Variants in SND1 observed in about 807,000 individuals in gnomAD.
SND1 encodes staphylococcal nuclease domain-containing protein 1.
A neutral mutation model predicts 121.7 loss-of-function variants in SND1; 38 were observed. The observed-to-expected ratio is 0.31, with a 90% CI of 0.24 to 0.41. The LOEUF is 0.41. Ranked by LOEUF, SND1 falls within the 10% of genes least tolerant of loss-of-function variation. The probability of loss-of-function intolerance (pLI) is 1.00; values close to 1 mark genes in which losing one functional copy is unlikely to be tolerated. For synonymous variants in SND1, 401 were observed against 447.4 expected (o/e 0.90, Z 1.31); for missense variants, 868 against 1,184.6 (o/e 0.73, Z 3.92).
At chr7:127,735,085 G>T (rs1455713489) in intron 10 of SND1, among the ~76,000 whole-genome samples, 1 of 152,144 alleles carries the variant, frequency 6.6e-6, no homozygotes, top group African/African-American at 2.4e-5. Context: ...GAGGTGCTGG[G>T]CATGCACTAT....
chr7:128,044,890 T>TA (rs1440479372), intron 16 of SND1, among the ~76,000 whole-genome samples: 2 of 152,168 alleles, frequency 1.3e-5, no homozygotes, highest in South Asian at 2.1e-4. Flanking sequence ...TGAGGCCTGC[T>TA]AATGCCATCT....
At chr7:127,727,985 A>G (rs1398809504) in intron 10 of SND1, among the ~76,000 whole-genome samples, 1 of 152,126 alleles carries the variant, frequency 6.6e-6, no homozygotes, top group African/African-American at 2.4e-5. Flanking sequence ...GAGGTCATGG[A>G]GTAGGGGTAC....
chr7:127,791,182 G>A (rs1271288189), intron 10 of SND1, among the ~76,000 whole-genome samples: 3 of 110,648 alleles, frequency 2.7e-5, no homozygotes, highest in African/African-American at 1.1e-4. Flanking sequence ...GTCTCACTCT[G>A]TCCCCAGGCT....
At chr7:128,066,990 C>T (rs976190496) in intron 16 of SND1, among the ~76,000 whole-genome samples, 1 of 152,172 alleles carries the variant, frequency 6.6e-6, no homozygotes, top group Non-Finnish European at 1.5e-5. Context: ...CCGCGCCCCC[C>T]TGCAAGTTCT....
At position 128,029,316 on chromosome 7, in the gene SND1, C is replaced by T. The variant is rs779369673; in HGVS notation, c.1779+38260C>T. On this transcript the variant is annotated intron_variant, in intron 16 of 23. Transcript: ENST00000354725. The surrounding 1 kb of genome is among the most constrained non-coding windows in gnomAD (Gnocchi z 4.2). The stretch of plus-strand genomic sequence containing the variant: ...GTTGGAGGTGTTAAGCTCAGCCGTG[C>T]TCACATTGAGGTAGGCCGAGGCGTT... The T allele has an allele frequency of 5.6e-6, 9 of 1,614,066 alleles. No individual in the cohort carries two copies.
At chr7:127,859,630 G>A (rs1343703209) in intron 12 of SND1, among the ~76,000 whole-genome samples, 1 of 152,120 alleles carries the variant, frequency 6.6e-6, no homozygotes, top group African/African-American at 2.4e-5. Flanking sequence ...TTCTGTCTGG[G>A]TAGTTTTTCA....
chr7:127,935,042 G>C (rs1366626532), intron 15 of SND1, among the ~76,000 whole-genome samples: 1 of 152,156 alleles, frequency 6.6e-6, no homozygotes, highest in East Asian at 1.9e-4. Flanking sequence ...AAAACATCAA[G>C]TATATAAAAA....
chr7:127,908,045 T>A (rs561003370), intron 14 of SND1, among the ~76,000 whole-genome samples: 1 of 152,246 alleles, frequency 6.6e-6, no homozygotes, highest in Non-Finnish European at 1.5e-5. Flanking sequence ...TTATTACAGA[T>A]GGGTTTTGAT....
rs147970558 is a variant in SND1, at chr7:127,727,690, A to G, written c.1152+6290A>G. On this transcript the variant is annotated intron_variant, in intron 10 of 23. Coordinates refer to ENST00000354725, the MANE Select transcript of SND1 (RefSeq NM_014390.4). ...GGATATAGCATTTCACCAGTCTCCA[A>G]TGGAGAGATTTTGGGACTGCAGCAA... Among the ~76,000 whole-genome samples the G allele has an allele frequency of 1.7e-3, 262 of 152,326 alleles. 2 individuals are homozygous for G. In the East Asian group the frequency reaches 0.034, roughly 20 times the overall value.
Position 127,902,899 on chromosome 7 carries a change from T to A in SND1, c.1455-1848T>A, listed in dbSNP as rs139909819. On this transcript the variant is annotated intron_variant, in intron 13 of 23. Coordinates refer to ENST00000354725, the MANE Select transcript of SND1 (RefSeq NM_014390.4). ...TGGCTGATTTATTTTATTTTATTTT[T>A]TTTTGAGATGGAGTCTCTCTCGCCC... is the stretch of plus-strand genomic sequence containing the variant. Among the ~76,000 whole-genome samples the A allele has an allele frequency of 1.9e-3, 292 of 151,882 alleles. 1 individual carries two copies. Among genetic ancestry groups the A allele is most frequent in the East Asian group, 0.014 (72 of 5,130 alleles).
intron 1 of SND1, among the ~76,000 whole-genome samples, chr7:127,673,114 A>C (rs1795551657): frequency 6.7e-6 from 1 of 148,466 alleles, no homozygotes; most frequent in Admixed American, 6.7e-5. Context: ...TCGGTAGGAG[A>C]TAGCTAAACT....
intron 12 of SND1, among the ~76,000 whole-genome samples, chr7:127,885,297 A>G (rs1461962454): frequency 6.6e-6 from 1 of 152,146 alleles, no homozygotes; most frequent in Non-Finnish European, 1.5e-5. Context: ...TGTGATTCTC[A>G]TATGCATTGC....
At chr7:127,858,233 TTTCC>T in intron 12 of SND1, 1 of 775,558 alleles carries the variant, frequency 1.3e-6, no homozygotes, top group East Asian at 2.5e-5. Flanking sequence ...CATGCCAAGG[TTTCC>T]CTGGGCCACC....
intron 12 of SND1, among the ~76,000 whole-genome samples, chr7:127,859,465 T>C (rs139208419): frequency 1.3e-5 from 2 of 152,310 alleles, no homozygotes; most frequent in Non-Finnish European, 2.9e-5. Context: ...CCTGAAATAA[T>C]ACCAAAGTTT....
intron 15 of SND1, among the ~76,000 whole-genome samples, chr7:127,975,035 A>G (rs1006469450): frequency 6.6e-6 from 1 of 152,184 alleles, no homozygotes. Flanking sequence ...CCAAAGAGAA[A>G]AAGCCCTATT....
intron 11 of SND1, among the ~76,000 whole-genome samples, chr7:127,812,742 G>A (rs944530454): frequency 2.0e-5 from 3 of 152,190 alleles, no homozygotes; most frequent in Admixed American, 6.5e-5. Context: ...GCTTTCCTGA[G>A]GAGGACTCCA....
intron 12 of SND1, among the ~76,000 whole-genome samples, chr7:127,857,348 G>C (rs1183487777): frequency 7.8e-6 from 1 of 128,376 alleles, no homozygotes; most frequent in Non-Finnish European, 1.6e-5. Flanking sequence ...GCCCGCCACC[G>C]CCCCCGGCTA....
chr7:127,667,948 A>C (rs548123813), intron 1 of SND1, among the ~76,000 whole-genome samples: 3 of 152,242 alleles, frequency 2.0e-5, no homozygotes, highest in Non-Finnish European at 4.4e-5. Flanking sequence ...CTTTGAAAGC[A>C]CTGAAGAGTT....
intron 15 of SND1, among the ~76,000 whole-genome samples, chr7:127,957,728 T>C (rs930559958): frequency 9.2e-5 from 14 of 152,124 alleles, no homozygotes; most frequent in Non-Finnish European, 1.5e-5. Context: ...GAGATGGAGT[T>C]TCGCTCTTGT....
Sources: gnomAD v4.1 joint callset for allele counts (sites outside exome capture counted in the v4.1 genomes callset) on GRCh38, gnomAD v4.1.1 for gene constraint, Gnocchi (gnomAD v3.1) non-coding constraint, MANE v1.5 for transcripts, NCBI Gene and HGNC (gene_info 2026-07-23, HGNC 2026-07-21) for gene names.